Variants in LRP2 observed in about 807,000 individuals in gnomAD.
LRP2 encodes the protein LDL receptor related protein 2, also known as low-density lipoprotein receptor-related protein 2.
Under a neutral mutation model 531.0 loss-of-function variants are expected in LRP2, and 172 were observed. That is an observed-to-expected ratio of 0.32 (90% CI 0.29 to 0.37). The LOEUF (loss-of-function observed/expected upper bound fraction) is 0.37, where lower values mean the gene tolerates loss of function less well. Among genes scored for constraint, LRP2 ranks in the 10% least tolerant of loss-of-function variants. The pLI is 1.00. For synonymous variants in LRP2, 1,992 were observed against 2,027.6 expected (o/e 0.98, Z 0.47); for missense variants, 5,167 against 5,868.3 (o/e 0.88, Z 3.90).
intron 1 of LRP2, among the ~76,000 whole-genome samples, chr2:169,332,841 A>T (rs1685302717): frequency 6.6e-6 from 1 of 152,210 alleles, no homozygotes; most frequent in Non-Finnish European, 1.5e-5. Context: ...AGAAATGTTT[A>T]TGCTTGGTGA....
At position 169,145,811 on chromosome 2, in the gene LRP2, C is replaced by T. The variant is rs753702869; in HGVS notation, c.12924G>A (p.Thr4308=). The change falls in exon 70 of 79, where the codon ACG becomes ACA. Residue 4308 remains threonine (T), a synonymous_variant. Coordinates refer to ENST00000649046, the MANE Select transcript of LRP2 (RefSeq NM_004525.3). ...GAGTGAGCCAAGGGTTCACTACCAG[C>T]GTTTTCTCTTTCTTTCCTTGCCCAA... ...NKFGQGKKEK[T]LVVNPWLTQV... 6.2e-6 allele frequency: 10 copies of T among 1,613,994 alleles called. No homozygotes were observed. Among genetic ancestry groups the T allele is most frequent in the Middle Eastern group, 1.6e-4 (1 of 6,084 alleles).
chr2:169,137,529 G>A (rs1174641224), intron 75 of LRP2, 36 bp from the exon 76 acceptor site: 9 of 1,260,332 alleles, frequency 7.1e-6, no homozygotes, highest in Non-Finnish European at 1.0e-5. Context: ...GAGAGAGAGA[G>A]AGAGAAACAG....
At chr2:169,212,335 T>A (rs556731271) in intron 36 of LRP2, 128 bp from the exon 37 acceptor site, 1 of 1,207,540 alleles carries the variant, frequency 8.3e-7, no homozygotes, top group Non-Finnish European at 1.2e-6. Flanking sequence ...GTAGCTGAGT[T>A]AGCAATCTAA....
chr2:169,361,503 C>T (rs1238399836), intron 1 of LRP2, among the ~76,000 whole-genome samples: 1 of 151,816 alleles, frequency 6.6e-6, no homozygotes, highest in Non-Finnish European at 1.5e-5. Flanking sequence ...CTCCTCTTCC[C>T]TTCTTACTAG....
At position 169,139,328 on chromosome 2, in the gene LRP2, A is replaced by T. The variant is rs1366318763; in HGVS notation, c.13311T>A (p.Ile4437=). Residue 4437 remains isoleucine, a synonymous_variant, in exon 74 of 79, where the codon ATT becomes ATA. Coordinates refer to ENST00000649046, the MANE Select transcript of LRP2 (RefSeq NM_004525.3). ...AGAATCCTGCAATTGCCAGAGCTCC[A>T]ATTACGACGATCAAGAGGATTGTCA... ...VLLTILLIVV[I]GALAIAGFFH... 2.5e-6 allele frequency: 4 copies of T among 1,614,180 alleles called. No homozygotes were observed. In the East Asian group the frequency reaches 6.7e-5, roughly 27 times the overall value.
chr2:169,156,792 T>C (rs1347224395), intron 64 of LRP2, among the ~76,000 whole-genome samples: 1 of 152,064 alleles, frequency 6.6e-6, no homozygotes, highest in Non-Finnish European at 1.5e-5. Flanking sequence ...GGAACAGGAG[T>C]CATTGATTTA....
intron 8 of LRP2, 122 bp downstream of exon 8, chr2:169,290,723 G>A: frequency 9.7e-7 from 1 of 1,033,342 alleles, no homozygotes; most frequent in Non-Finnish European, 1.5e-6. Flanking sequence ...CTCAGTTTAT[G>A]CCACTAAGTC....
chr2:169,277,692 A>G (rs1259334646), intron 13 of LRP2, 53 bp downstream of exon 13: 3 of 1,491,226 alleles, frequency 2.0e-6, no homozygotes, highest in Non-Finnish European at 2.8e-6. Flanking sequence ...CAGCCATTTT[A>G]TGCACTTTCC....
chr2:169,240,857 A>C, intron 25 of LRP2, 131 bp downstream of exon 25: 1 of 1,053,962 alleles, frequency 9.5e-7, no homozygotes, highest in Non-Finnish European at 1.5e-6. Flanking sequence ...TACCCCCTAC[A>C]CAGATGTGAA....
chr2:169,160,022 AC>A (rs1469870918), intron 63 of LRP2, among the ~76,000 whole-genome samples: 5 of 152,204 alleles, frequency 3.3e-5, no homozygotes, highest in African/African-American at 1.2e-4. Flanking sequence ...CACCATTTTA[AC>A]CCGTATAACT....
At chr2:169,334,899 T>C (rs1685363267) in intron 1 of LRP2, among the ~76,000 whole-genome samples, 1 of 152,102 alleles carries the variant, frequency 6.6e-6, no homozygotes, top group Non-Finnish European at 1.5e-5. Context: ...CCATGAAGGG[T>C]GGTTCCTTCC....
At chr2:169,168,018 A>AATATATATAT (rs4001548) in intron 61 of LRP2, among the ~76,000 whole-genome samples, 2,577 of 68,074 alleles carry the variant, frequency 0.038, 276 homozygotes, top group South Asian at 0.064. Context: ...CAGGGTTTAA[A>AATATATATAT]ATATATATAT....
At chr2:169,203,626 G>T (rs1041204745) in intron 42 of LRP2, among the ~76,000 whole-genome samples, 1 of 152,276 alleles carries the variant, frequency 6.6e-6, no homozygotes, top group East Asian at 1.9e-4. Flanking sequence ...TGGACACGTC[G>T]TGTGCCTGTA....
intron 16 of LRP2, among the ~76,000 whole-genome samples, chr2:169,259,532 A>C (rs987965024): frequency 1.3e-5 from 2 of 151,992 alleles, no homozygotes; most frequent in African/African-American, 4.8e-5. Flanking sequence ...CTCACTGTAG[A>C]ATATCTGAAG....
Position 169,128,639 on chromosome 2 carries a change from T to C in LRP2, c.*24A>G. ...TATATGTGCAAAAGTGTGTTTCTAA[T>C]TATTCCCTAAATAGCTGGTATAGCT... On this transcript the variant is annotated 3_prime_UTR_variant, in exon 79 of 79. Transcript: ENST00000649046. 6.2e-7 allele frequency: 1 copy of C among 1,608,318 alleles called. No homozygotes were observed. Among genetic ancestry groups the C allele is most frequent in the African/African-American group, 1.3e-5 (1 of 74,926 alleles).
chr2:169,238,828 A>C (rs1393923460), intron 26 of LRP2, among the ~76,000 whole-genome samples: 2 of 152,152 alleles, frequency 1.3e-5, no homozygotes, highest in Admixed American at 1.3e-4. Context: ...CCTCCACTGA[A>C]GTTTGGAGTG....
rs1688423490 is a variant in LRP2 at position 169,207,159 on chromosome 2, G to A, written c.6561C>T (p.Val2187=). ...CAATATGCCTAGGCATGTCCACTGT[G>A]ACTTTAAGAAGAACACGGCGGTAAG... The part of the protein sequence containing the change: ...NTTYRRVLLK[V]TVDMPRHIVV... Residue 2187 remains valine (V), a synonymous_variant, in exon 39 of 79, where the codon GTC becomes GTT. Coordinates refer to ENST00000649046, the MANE Select transcript of LRP2 (RefSeq NM_004525.3). 10 of 1,613,420 alleles carry A rather than the reference G, an allele frequency of 6.2e-6. No homozygotes were observed. Among genetic ancestry groups the A allele is most frequent in the Admixed American group, 3.3e-5 (2 of 59,940 alleles).
At chr2:169,218,561 C>A (rs1044306541) in intron 34 of LRP2, among the ~76,000 whole-genome samples, 1 of 152,022 alleles carries the variant, frequency 6.6e-6, no homozygotes, top group African/African-American at 2.4e-5. Context: ...TCTTTGTATC[C>A]ACCCTCTGAA....
chr2:169,357,933 G>A lies in LRP2; in HGVS notation c.79+4388C>T, dbSNP rs830947. On this transcript the variant is annotated intron_variant, in intron 1 of 78. Coordinates refer to ENST00000649046, the MANE Select transcript of LRP2 (RefSeq NM_004525.3). ...AAAACCCAAAGATCTTCAGGAATGC[G>A]CTTTGATGGCTCAAGAATTTGAAAA... is the stretch of plus-strand genomic sequence containing the variant. 5.9e-3 allele frequency among the ~76,000 whole-genome samples: 903 copies of A among 152,216 alleles called. 7 individuals carry two copies. The highest frequency in any genetic ancestry group is 0.024 in the South Asian group (117 of 4,800).
Sources: gnomAD v4.1 joint callset for allele counts (sites outside exome capture counted in the v4.1 genomes callset) on GRCh38, gnomAD v4.1.1 for gene constraint, MANE v1.5 for transcripts, NCBI Gene and HGNC (gene_info 2026-07-23, HGNC 2026-07-21) for gene names.